CREB5: variants seen among roughly 807,000 people sequenced by gnomAD.
CREB5 encodes the protein cAMP responsive element binding protein 5.
CREB5 carries 19 observed loss-of-function variants against 57.1 expected under a neutral mutation model. The observed-to-expected ratio is 0.33, with a 90% CI of 0.23 to 0.49. The LOEUF is 0.49. Ranked by LOEUF, CREB5 falls within the 20% of genes least tolerant of loss-of-function variation. The probability of loss-of-function intolerance (pLI) is 0.99; values close to 1 mark genes in which losing one functional copy is unlikely to be tolerated. For missense variants in CREB5, 579 were observed against 671.6 expected, an observed-to-expected ratio of 0.86 and a Z score of 1.52; for synonymous variants, 238 against 238.3, an observed-to-expected ratio of 1.00 and a Z score of 0.01.
At chr7:28,715,976 C>G (rs1184761891) in intron 5 of CREB5, among the ~76,000 whole-genome samples, 1 of 151,990 alleles carries the variant, frequency 6.6e-6, no homozygotes, top group African/African-American at 2.4e-5. Context: ...AATAACCTAC[C>G]TAATAAGAAC....
chr7:28,769,461 G>A lies in CREB5; in HGVS notation c.703-34738G>A, dbSNP rs538698223. Among the ~76,000 whole-genome samples, 26 of 152,060 alleles carry A rather than the reference G, an allele frequency of 1.7e-4. No individual in the cohort carries two copies. In the South Asian group the frequency reaches 4.2e-3, roughly 24 times the overall value. ...ACATGTTACATATACCCATAAATACGTATAATTATGTACCAAATAAATACT... is the reference window on the plus strand; with the variant it reads ...ACATGTTACATATACCCATAAATACATATAATTATGTACCAAATAAATACT... On this transcript the variant is annotated intron_variant, in intron 7 of 10. Transcript: ENST00000357727.
chr7:28,708,769 A>G (rs1802255804), intron 5 of CREB5, among the ~76,000 whole-genome samples: 1 of 152,120 alleles, frequency 6.6e-6, no homozygotes, highest in East Asian at 1.9e-4. Flanking sequence ...TCAAACCTAA[A>G]CAGAATTGCT....
At chr7:28,640,134 C>T (rs1205916492) in intron 5 of CREB5, among the ~76,000 whole-genome samples, 2 of 152,150 alleles carry the variant, frequency 1.3e-5, no homozygotes, top group African/African-American at 4.8e-5. Flanking sequence ...AGATACTCTG[C>T]ACTCTCAGCT....
intron 7 of CREB5, among the ~76,000 whole-genome samples, chr7:28,728,214 A>T (rs950491407): frequency 6.6e-6 from 1 of 152,218 alleles, no homozygotes; most frequent in Non-Finnish European, 1.5e-5. Flanking sequence ...TGTTGGGATT[A>T]TAGGCATGAG....
intron 5 of CREB5, among the ~76,000 whole-genome samples, chr7:28,678,817 G>A (rs780883565): frequency 8.5e-5 from 13 of 152,094 alleles, no homozygotes; most frequent in African/African-American, 2.2e-4. Flanking sequence ...CATCCCCTCC[G>A]GGCAAAAGTG....
chr7:28,668,869 C>T (rs1430503277), intron 5 of CREB5, among the ~76,000 whole-genome samples: 1 of 152,096 alleles, frequency 6.6e-6, no homozygotes, highest in Non-Finnish European at 1.5e-5. Context: ...TGTCCACGGC[C>T]CGCTGCTACC....
chr7:28,785,411 C>T (rs1807263940), intron 7 of CREB5, among the ~76,000 whole-genome samples: 1 of 152,232 alleles, frequency 6.6e-6, no homozygotes, highest in African/African-American at 2.4e-5. Context: ...GGCTTCTAAA[C>T]ACACTTCGAA....
At chr7:28,350,806 A>T (rs1786171924) in intron 1 of CREB5, among the ~76,000 whole-genome samples, 1 of 152,000 alleles carries the variant, frequency 6.6e-6, no homozygotes, top group Admixed American at 6.6e-5. Flanking sequence ...GAGCTGGGAA[A>T]TGGAGAGAAG....
At chr7:28,583,141 A>G (rs1210263627) in intron 5 of CREB5, among the ~76,000 whole-genome samples, 1 of 152,236 alleles carries the variant, frequency 6.6e-6, no homozygotes, top group African/African-American at 2.4e-5. Context: ...ATGTGAACTT[A>G]GTTGGGTTTC....
chr7:28,743,838 C>CTT (rs58302393), intron 7 of CREB5, among the ~76,000 whole-genome samples: 11,960 of 76,272 alleles, frequency 0.16, 1,175 homozygotes, highest in East Asian at 0.49. Flanking sequence ...ATCTCCTTTT[C>CTT]TTTTTTTTTT....
chr7:28,501,712 C>A (rs1353228181), intron 3 of CREB5, among the ~76,000 whole-genome samples: 3 of 152,180 alleles, frequency 2.0e-5, no homozygotes, highest in Non-Finnish European at 4.4e-5. Context: ...GTGTTAATAA[C>A]CCTTCTTACT....
At position 28,657,738 on chromosome 7, in the gene CREB5, A is replaced by AAAAT. The variant is rs1554281277; in HGVS notation, c.465-61015_465-61014insAAAT. ...TCTCGAAAAAAAAAAAAAAAAAAAA[A>AAAAT]GAATAAAATTGCTCCAAAGCACTAT... On this transcript the variant is annotated intron_variant, in intron 5 of 10. Coordinates refer to ENST00000357727, the MANE Select transcript of CREB5 (RefSeq NM_182898.4). Among the ~76,000 whole-genome samples, 790 of 139,708 alleles carry AAAAT rather than the reference A, an allele frequency of 5.7e-3. 22 individuals carry two copies. The highest frequency in any genetic ancestry group is 8.8e-3 in the Non-Finnish European group (565 of 63,956). The allele number at this position is 139,708 out of a possible 152,430, so 91.7% of individuals were successfully genotyped here.
At chr7:28,804,548 C>T (rs1263921545) in intron 8 of CREB5, 26 bp downstream of exon 8, 2 of 1,608,086 alleles carry the variant, frequency 1.2e-6, no homozygotes, top group South Asian at 1.1e-5. Flanking sequence ...GATCTCTTTC[C>T]CCTTCTTATT....
intron 5 of CREB5, among the ~76,000 whole-genome samples, chr7:28,714,153 C>G (rs1802551613): frequency 6.6e-6 from 1 of 151,932 alleles, no homozygotes; most frequent in South Asian, 2.1e-4. Context: ...TTTGTAGAGA[C>G]AGAGTTTTTC....
chr7:28,679,088 C>G (rs911886193), intron 5 of CREB5, among the ~76,000 whole-genome samples: 4 of 79,278 alleles, frequency 5.0e-5, no homozygotes, highest in African/African-American at 1.6e-4. Flanking sequence ...CATGTTTTAA[C>G]AATGAAAACA....
rs1179176468 is a variant in CREB5 at position 28,474,722 on chromosome 7, A to ATG, written c.4-13451_4-13450dup. Among the ~76,000 whole-genome samples, 3 of 152,290 alleles carry ATG rather than the reference A, an allele frequency of 2.0e-5. No homozygotes were observed. In the East Asian group the frequency reaches 5.8e-4, roughly 29 times the overall value. ...CTTCGAGAAGACCAGAAATCCTTTG[A>ATG]TGTCAGTATTGAAAAGGGGGATAGG... is the stretch of plus-strand genomic sequence containing the variant. On this transcript the variant is annotated intron_variant, in intron 1 of 10. Coordinates refer to ENST00000357727, the MANE Select transcript of CREB5 (RefSeq NM_182898.4).
chr7:28,638,294 C>CACACACAT (rs1554278720), intron 5 of CREB5, among the ~76,000 whole-genome samples: 2 of 127,936 alleles, frequency 1.6e-5, no homozygotes, highest in East Asian at 2.2e-4. Context: ...CACACACACA[C>CACACACAT]GAACACACAC....
At chr7:28,639,260 C>T (rs1240131473) in intron 5 of CREB5, among the ~76,000 whole-genome samples, 1 of 152,116 alleles carries the variant, frequency 6.6e-6, no homozygotes, top group Non-Finnish European at 1.5e-5. Flanking sequence ...CTGATGCAAA[C>T]GTGGGTCTCC....
chr7:28,736,463 C>T (rs73306979), intron 7 of CREB5, among the ~76,000 whole-genome samples: 3,137 of 152,292 alleles, frequency 0.021, 120 homozygotes, highest in African/African-American at 0.071. Flanking sequence ...GCCACTGCGC[C>T]GGACCCCACA....
Sources: gnomAD v4.1 joint callset for allele counts (sites outside exome capture counted in the v4.1 genomes callset) on GRCh38, gnomAD v4.1.1 for gene constraint, MANE v1.5 for transcripts, NCBI Gene and HGNC (gene_info 2026-07-23, HGNC 2026-07-21) for gene names.